SCLT1: variants seen among roughly 807,000 people sequenced by gnomAD.
The protein encoded by SCLT1 is sodium channel and clathrin linker 1.
SCLT1 carries 78 observed loss-of-function variants against 112.8 expected under a neutral mutation model. The ratio of observed to expected loss-of-function variants is 0.69; its 90% CI spans 0.58 to 0.83. SCLT1 has a LOEUF of 0.83. SCLT1 is among the 40% of genes least tolerant of loss of function. SCLT1 has a pLI of 0.00. For synonymous variants in SCLT1, 257 were observed against 254.7 expected, an observed-to-expected ratio of 1.01 and a Z score of -0.09; for missense variants, 747 against 770.4, an observed-to-expected ratio of 0.97 and a Z score of 0.36.
intron 18 of SCLT1, among the ~76,000 whole-genome samples, chr4:128,893,684 A>T (rs1733505199): frequency 1.3e-5 from 2 of 151,908 alleles, no homozygotes; most frequent in Non-Finnish European, 2.9e-5. Flanking sequence ...CTGGGACTAC[A>T]GGCGCCCGCC....
chr4:129,015,588 T>C (rs1350583231), intron 5 of SCLT1, among the ~76,000 whole-genome samples: 5 of 152,130 alleles, frequency 3.3e-5, no homozygotes, highest in African/African-American at 4.8e-5. Flanking sequence ...CATGCTCCAC[T>C]ACATATGCTC....
chr4:129,027,014 C>T (rs1330474801), intron 5 of SCLT1, among the ~76,000 whole-genome samples: 1 of 152,128 alleles, frequency 6.6e-6, no homozygotes, highest in Non-Finnish European at 1.5e-5. Context: ...GAAGTTGAAT[C>T]TCTGAATAGA....
intron 2 of SCLT1, among the ~76,000 whole-genome samples, chr4:129,067,222 T>C (rs1416195712): frequency 6.6e-6 from 1 of 151,952 alleles, no homozygotes; most frequent in Admixed American, 6.6e-5. Context: ...TTATCTTTTG[T>C]TTTTTTCTAA....
At chr4:128,985,240 T>TACAC (rs935291256) in intron 9 of SCLT1, among the ~76,000 whole-genome samples, 2 of 152,052 alleles carry the variant, frequency 1.3e-5, no homozygotes, top group Non-Finnish European at 2.9e-5. Flanking sequence ...TCTCTTGTAA[T>TACAC]ACACACACAC....
intron 5 of SCLT1, among the ~76,000 whole-genome samples, chr4:129,015,380 C>A (rs1744901239): frequency 1.3e-5 from 2 of 152,062 alleles, no homozygotes; most frequent in African/African-American, 2.4e-5. Context: ...GCTCCCAGGG[C>A]ACCTGAGGCT....
chr4:128,932,216 C>G (rs1003953710), intron 18 of SCLT1, among the ~76,000 whole-genome samples: 4 of 151,880 alleles, frequency 2.6e-5, no homozygotes, highest in Non-Finnish European at 5.9e-5. Context: ...TCTAGAGTAC[C>G]TACATTATAG....
intron 15 of SCLT1, 80 bp downstream of exon 15, chr4:128,948,416 G>C: frequency 6.8e-7 from 1 of 1,466,752 alleles, no homozygotes; most frequent in Non-Finnish European, 9.1e-7. Flanking sequence ...ATTGCTAGTA[G>C]ATGGCATGAT....
chr4:129,048,416 G>T (rs1748405367), intron 2 of SCLT1, among the ~76,000 whole-genome samples: 1 of 151,026 alleles, frequency 6.6e-6, no homozygotes, highest in South Asian at 2.1e-4. Flanking sequence ...TGGGAAAACT[G>T]GCTAGCCATA....
intron 11 of SCLT1, among the ~76,000 whole-genome samples, chr4:128,964,192 G>A (rs1277445488): frequency 6.6e-6 from 1 of 152,136 alleles, no homozygotes; most frequent in South Asian, 2.1e-4. Context: ...GAAATGTGTA[G>A]GGACATTTGG....
intron 18 of SCLT1, among the ~76,000 whole-genome samples, chr4:128,896,693 A>C (rs564651347): frequency 6.6e-6 from 1 of 152,340 alleles, no homozygotes; most frequent in South Asian, 2.1e-4. Context: ...TGACGAGTTG[A>C]GAGAAGAAGG....
intron 9 of SCLT1, among the ~76,000 whole-genome samples, chr4:128,982,791 C>T (rs923667370): frequency 6.6e-6 from 1 of 151,310 alleles, no homozygotes; most frequent in Non-Finnish European, 1.5e-5. Context: ...CATGAGCTAC[C>T]GCACCTGGCC....
At chr4:129,011,012 T>C (rs1560961141) in intron 5 of SCLT1, among the ~76,000 whole-genome samples, 1 of 152,194 alleles carries the variant, frequency 6.6e-6, no homozygotes, top group Non-Finnish European at 1.5e-5. Context: ...TCAGGAAGAA[T>C]GTTTCCAGGT....
At chr4:129,039,169 T>C in intron 4 of SCLT1, 73 bp from the exon 5 acceptor site, 1 of 886,720 alleles carries the variant, frequency 1.1e-6, no homozygotes, top group Non-Finnish European at 1.9e-6. Context: ...ACCACTCACG[T>C]AAGCAATCAG....
intron 5 of SCLT1, among the ~76,000 whole-genome samples, chr4:129,013,492 A>ATTACTACC (rs1744722137): frequency 6.6e-6 from 1 of 152,178 alleles, no homozygotes; most frequent in Non-Finnish European, 1.5e-5. Flanking sequence ...GTGCTCTTGT[A>ATTACTACC]AGGCAGGTCT....
intron 18 of SCLT1, among the ~76,000 whole-genome samples, chr4:128,929,472 T>C (rs1736582177): frequency 6.6e-6 from 1 of 152,152 alleles, no homozygotes; most frequent in South Asian, 2.1e-4. Flanking sequence ...CTAATATGAA[T>C]ACAGAAATGC....
At chr4:128,993,240 C>A (rs1029903534) in intron 8 of SCLT1, among the ~76,000 whole-genome samples, 6 of 151,936 alleles carry the variant, frequency 3.9e-5, no homozygotes, top group Non-Finnish European at 5.9e-5. Context: ...TTAATACATG[C>A]CTTTACAGTG....
intron 2 of SCLT1, among the ~76,000 whole-genome samples, chr4:129,048,840 A>C (rs1717834119): frequency 6.6e-6 from 1 of 152,220 alleles, no homozygotes; most frequent in African/African-American, 2.4e-5. Context: ...GACACTTCTC[A>C]AAAGAAGACA....
chr4:128,916,777 ATAC>A (rs1030152529), intron 18 of SCLT1, among the ~76,000 whole-genome samples: 2 of 152,164 alleles, frequency 1.3e-5, no homozygotes, highest in Non-Finnish European at 2.9e-5. Context: ...TTAGGTTCCT[ATAC>A]TATAAGTTGC....
intron 5 of SCLT1, among the ~76,000 whole-genome samples, chr4:129,013,658 T>G (rs1247485237): frequency 6.6e-6 from 1 of 152,226 alleles, no homozygotes; most frequent in Non-Finnish European, 1.5e-5. Context: ...CTTGTAGGGT[T>G]TCTGCTGAGA....
Sources: allele counts gnomAD v4.1 joint callset (sites outside exome capture counted in the v4.1 genomes callset), GRCh38; gene constraint gnomAD v4.1.1; transcripts MANE v1.5; gene names NCBI Gene and HGNC (gene_info 2026-07-23, HGNC 2026-07-21).